Variants in TMTC2 observed in about 807,000 individuals in gnomAD.
TMTC2 encodes protein O-mannosyl-transferase TMTC2.
In TMTC2, 43 loss-of-function variants were observed where a neutral mutation model predicts 82.4. The observed-to-expected ratio is 0.52, with a 90% CI of 0.41 to 0.67. The LOEUF is 0.67. Among genes scored for constraint, TMTC2 ranks in the 30% least tolerant of loss-of-function variants. The probability of loss-of-function intolerance (pLI) is 0.00; values close to 1 mark genes in which losing one functional copy is unlikely to be tolerated. For synonymous variants in TMTC2, 408 were observed against 381.9 expected, an observed-to-expected ratio of 1.07 and a Z score of -0.80; for missense variants, 919 against 1,012.4, an observed-to-expected ratio of 0.91 and a Z score of 1.25.
At chr12:82,925,535 A>G (rs1875650421) in intron 3 of TMTC2, among the ~76,000 whole-genome samples, 1 of 152,168 alleles carries the variant, frequency 6.6e-6, no homozygotes, top group African/African-American at 2.4e-5. Flanking sequence ...AACAAATTGA[A>G]TGTGGCAACT....
intron 3 of TMTC2, among the ~76,000 whole-genome samples, chr12:82,913,939 C>T (rs894274605): frequency 2.0e-5 from 3 of 152,028 alleles, no homozygotes; most frequent in African/African-American, 7.2e-5. Flanking sequence ...GGTTTCAAAT[C>T]CCACAAATAC....
At chr12:82,930,802 G>C (rs570848262) in intron 4 of TMTC2, among the ~76,000 whole-genome samples, 2 of 152,160 alleles carry the variant, frequency 1.3e-5, no homozygotes, top group East Asian at 1.9e-4. Context: ...ATAAATATTG[G>C]TTTAAATATT....
intron 11 of TMTC2, among the ~76,000 whole-genome samples, chr12:83,106,383 C>G (rs549441400): frequency 6.6e-6 from 1 of 151,628 alleles, no homozygotes; most frequent in South Asian, 2.1e-4. Flanking sequence ...CCTGTAATCC[C>G]AGCTACTCAG....
chr12:82,831,852 A>G (rs1410783266), intron 1 of TMTC2, among the ~76,000 whole-genome samples: 1 of 152,150 alleles, frequency 6.6e-6, no homozygotes, highest in South Asian at 2.1e-4. Context: ...TTCAAAGACT[A>G]CAGAAAAATC....
chr12:82,733,711 A>C (rs1001472030), intron 1 of TMTC2, among the ~76,000 whole-genome samples: 1 of 152,232 alleles, frequency 6.6e-6, no homozygotes, highest in Non-Finnish European at 1.5e-5. Flanking sequence ...AAGAGAAGTA[A>C]GGTACGTGGT....
intron 8 of TMTC2, among the ~76,000 whole-genome samples, chr12:82,988,950 T>C (rs1879289260): frequency 1.3e-5 from 2 of 149,964 alleles, no homozygotes; most frequent in Non-Finnish European, 3.0e-5. Context: ...TCATCAGTCA[T>C]ATCAGGAAAG....
intron 11 of TMTC2, among the ~76,000 whole-genome samples, chr12:83,089,347 T>G (rs567591294): frequency 1.8e-4 from 28 of 152,336 alleles, no homozygotes; most frequent in African/African-American, 6.7e-4. Context: ...ATCCATTGCA[T>G]GGGGTTGGTG....
intron 1 of TMTC2, among the ~76,000 whole-genome samples, chr12:82,780,579 G>C (rs563529357): frequency 3.9e-5 from 6 of 152,054 alleles, no homozygotes; most frequent in Non-Finnish European, 8.8e-5. Flanking sequence ...TAGTTTGCAT[G>C]CTTCTTTGCT....
At chr12:83,094,399 A>T (rs533404800) in intron 11 of TMTC2, among the ~76,000 whole-genome samples, 11 of 152,354 alleles carry the variant, frequency 7.2e-5, no homozygotes, top group Admixed American at 2.0e-4. Flanking sequence ...TATTGTCAGA[A>T]TATAAATCTT....
intron 11 of TMTC2, among the ~76,000 whole-genome samples, chr12:83,077,966 C>T (rs533743879): frequency 7.3e-5 from 11 of 151,194 alleles, no homozygotes; most frequent in Non-Finnish European, 1.2e-4. Context: ...TTTCCTCCCC[C>T]CCACAATACC....
At chr12:82,944,564 CAAAAA>C (rs11296823) in intron 4 of TMTC2, among the ~76,000 whole-genome samples, 2 of 92,834 alleles carry the variant, frequency 2.2e-5, no homozygotes, top group Non-Finnish European at 4.5e-5. Context: ...GTGACAGTCT[CAAAAA>C]AAAAAAAAAA....
intron 4 of TMTC2, among the ~76,000 whole-genome samples, chr12:82,964,145 G>C (rs2137301003): frequency 6.6e-6 from 1 of 151,914 alleles, no homozygotes; most frequent in African/African-American, 2.4e-5. Context: ...AGGCTCAATA[G>C]ATGTGCGGAA....
chr12:82,888,427 G>A (rs1234845875), intron 2 of TMTC2, among the ~76,000 whole-genome samples: 1 of 152,156 alleles, frequency 6.6e-6, no homozygotes, highest in Non-Finnish European at 1.5e-5. Context: ...GCTTGAAAAT[G>A]GTGACTTGGA....
chr12:82,806,518 T>G (rs1479773627), intron 1 of TMTC2, among the ~76,000 whole-genome samples: 2 of 152,102 alleles, frequency 1.3e-5, no homozygotes, highest in Non-Finnish European at 2.9e-5. Flanking sequence ...ATGCACAGAT[T>G]AAGGGCACCA....
chr12:82,725,015 C>T (rs1340967109), intron 1 of TMTC2, among the ~76,000 whole-genome samples: 5 of 151,896 alleles, frequency 3.3e-5, no homozygotes, highest in African/African-American at 1.2e-4. Context: ...GAGAGCTTGT[C>T]CTATTAATTA....
chr12:82,867,353 T>C (rs926659142), intron 2 of TMTC2, among the ~76,000 whole-genome samples: 1 of 152,216 alleles, frequency 6.6e-6, no homozygotes, highest in Non-Finnish European at 1.5e-5. Context: ...TATTTCTCTT[T>C]GTTGTGATGG....
chr12:82,899,844 C>T (rs958745605), intron 3 of TMTC2, among the ~76,000 whole-genome samples: 29 of 135,830 alleles, frequency 2.1e-4, no homozygotes, highest in Middle Eastern at 6.9e-3. Flanking sequence ...ATATACATAT[C>T]CGGAATATAG....
At chr12:82,934,300 TAC>T (rs1446669426) in intron 4 of TMTC2, among the ~76,000 whole-genome samples, 6 of 152,218 alleles carry the variant, frequency 3.9e-5, no homozygotes, top group African/African-American at 1.4e-4. Context: ...TACATAGGTA[TAC>T]ACATGCCATG....
intron 1 of TMTC2, among the ~76,000 whole-genome samples, chr12:82,802,032 G>A (rs371442990): frequency 0.017 from 2,449 of 142,664 alleles, 61 homozygotes; most frequent in African/African-American, 0.062. Flanking sequence ...CACGCCGTGC[G>A]CCCACACACT....
Sources: gnomAD v4.1 joint callset for allele counts (sites outside exome capture counted in the v4.1 genomes callset) on GRCh38, gnomAD v4.1.1 for gene constraint, MANE v1.5 for transcripts, NCBI Gene and HGNC (gene_info 2026-07-23, HGNC 2026-07-21) for gene names.